Variants in SP4 observed in about 807,000 individuals in gnomAD.
The protein encoded by SP4 is transcription factor Sp4.
A neutral mutation model predicts 72.8 loss-of-function variants in SP4; 19 were observed. The ratio of observed to expected loss-of-function variants is 0.26; its 90% CI spans 0.18 to 0.38. The LOEUF (loss-of-function observed/expected upper bound fraction) is 0.38. Among genes scored for constraint, SP4 ranks in the 10% least tolerant of loss-of-function variants. The pLI is 1.00. For missense variants in SP4, 1,008 were observed against 926.3 expected (o/e 1.09, Z -1.14); for synonymous variants, 395 against 333.1 (o/e 1.19, Z -2.02).
Position 21,481,918 on chromosome 7 carries a change from T to C in SP4, c.1908-6T>C. The C allele has an allele frequency of 6.2e-7, 1 of 1,611,350 alleles. No homozygotes were observed. The highest frequency in any genetic ancestry group is 8.5e-7 in the Non-Finnish European group (1 of 1,177,608). ...GTAATTAATGTTCGGTTTTTGTTTT[T>C]GCTAGAGGCAGTAATGAACCAGGAA... On this transcript the variant is annotated splice_polypyrimidine_tract_variant and splice_region_variant and intron_variant, in intron 4 of 5. Coordinates refer to ENST00000222584, the MANE Select transcript of SP4 (RefSeq NM_003112.5).
Position 21,456,838 on chromosome 7 carries a change from G to C in SP4, c.1679-20241G>C, listed in dbSNP as rs150376025. Among the ~76,000 whole-genome samples the C allele has an allele frequency of 1.5e-3, 229 of 152,322 alleles. 1 individual carries two copies. Among genetic ancestry groups the C allele is most frequent in the African/African-American group, 5.4e-3 (224 of 41,584 alleles). ...TTTTCAAATAAAATGTCTCAGGTCTGCCTGATGTAGACCCCAAGGTCTTTC... is the reference window on the plus strand; with the variant it reads ...TTTTCAAATAAAATGTCTCAGGTCTCCCTGATGTAGACCCCAAGGTCTTTC... On this transcript the variant is annotated intron_variant, in intron 3 of 5. Transcript: ENST00000222584.
At chr7:21,440,924 A>G (rs981514843) in intron 3 of SP4, among the ~76,000 whole-genome samples, 1 of 152,166 alleles carries the variant, frequency 6.6e-6, no homozygotes, top group African/African-American at 2.4e-5. Flanking sequence ...TATAGTAAGA[A>G]CTAAATGTCT....
intron 3 of SP4, among the ~76,000 whole-genome samples, chr7:21,433,743 C>T (rs1421614114): frequency 6.6e-6 from 1 of 152,110 alleles, no homozygotes; most frequent in African/African-American, 2.4e-5. Context: ...GAGTTCGACA[C>T]CAGCCTGACC....
intron 5 of SP4, among the ~76,000 whole-genome samples, chr7:21,505,531 CTGT>C (rs1327731103): frequency 2.0e-5 from 3 of 152,314 alleles, no homozygotes; most frequent in South Asian, 2.1e-4. Context: ...TCCAGGGGTA[CTGT>C]TGTTTTCTCC....
At chr7:21,492,824 A>G (rs981485725) in intron 5 of SP4, among the ~76,000 whole-genome samples, 4 of 152,230 alleles carry the variant, frequency 2.6e-5, no homozygotes, top group African/African-American at 7.2e-5. Context: ...TCCCAGCAGA[A>G]TGTGTATTTT....
chr7:21,430,494 T>A lies in SP4; in HGVS notation c.1329T>A (p.Asn443Lys), dbSNP rs1459914962. Residue 443 changes from asparagine (N) to lysine (K), a missense_variant, in exon 3 of 6, where the codon AAT becomes AAA. Physicochemically the swap from Asn to Lys is moderately conservative, Grantham distance 94 (BLOSUM62 0). Transcript: ENST00000222584. ...IQTIQQQPLQ[N>K]VQLQAVNPTQ... ...CCATCCAGCAGCAGCCTTTACAGAA[T>A]GTTCAACTTCAAGCAGTAAATCCGA... 6.2e-6 allele frequency: 10 copies of A among 1,613,998 alleles called. No homozygotes were observed. The highest frequency in any genetic ancestry group is 8.5e-6 in the Non-Finnish European group (10 of 1,180,012).
chr7:21,438,876 T>A (rs2128393338), intron 3 of SP4, among the ~76,000 whole-genome samples: 1 of 152,326 alleles, frequency 6.6e-6, no homozygotes, highest in Middle Eastern at 3.4e-3. Flanking sequence ...TTCAAGTATT[T>A]TTACTTTACA....
At chr7:21,451,630 A>G (rs1369791407) in intron 3 of SP4, among the ~76,000 whole-genome samples, 2 of 152,158 alleles carry the variant, frequency 1.3e-5, no homozygotes, top group Non-Finnish European at 2.9e-5. Flanking sequence ...AGACAGGGGC[A>G]GGATTTTGCC....
chr7:21,470,954 T>C (rs377325015), intron 3 of SP4: 6 of 439,452 alleles, frequency 1.4e-5, no homozygotes, highest in African/African-American at 6.2e-5. Flanking sequence ...AGCAGTTTCA[T>C]TGGTAAGAAG....
Position 21,492,288 on chromosome 7 carries a change from A to G in SP4, c.2107+10165A>G, listed in dbSNP as rs115820959. Among the ~76,000 whole-genome samples, 1,515 of 152,332 alleles carry G rather than the reference A, an allele frequency of 9.9e-3. 27 individuals are homozygous for G. The highest frequency in any genetic ancestry group is 0.035 in the African/African-American group (1,461 of 41,576). ...GGAGATACTCCCCTAAATGTCTCCT[A>G]TATATAGGACTGATAATTATTATAG... is the stretch of plus-strand genomic sequence containing the variant. On this transcript the variant is annotated intron_variant, in intron 5 of 5. Transcript: ENST00000222584.
chr7:21,479,986 T>TTTTG (rs60038164), intron 4 of SP4, among the ~76,000 whole-genome samples: 15 of 150,960 alleles, frequency 9.9e-5, no homozygotes, highest in Admixed American at 7.9e-4. Context: ...ATAACAGTTT[T>TTTTG]TTTGTTTGTT....
intron 5 of SP4, among the ~76,000 whole-genome samples, chr7:21,509,224 G>A (rs372793628): frequency 2.0e-5 from 3 of 152,052 alleles, no homozygotes; most frequent in Admixed American, 2.0e-4. Flanking sequence ...GGTATAGCAG[G>A]TAAAAGAAAT....
intron 3 of SP4, among the ~76,000 whole-genome samples, chr7:21,458,036 T>C (rs769403523): frequency 2.2e-4 from 34 of 152,246 alleles, no homozygotes; most frequent in Non-Finnish European, 4.6e-4. Flanking sequence ...AGAGTTTTTA[T>C]AACTTTCGAA....
chr7:21,492,653 T>C (rs1785010275), intron 5 of SP4, among the ~76,000 whole-genome samples: 1 of 152,206 alleles, frequency 6.6e-6, no homozygotes, highest in African/African-American at 2.4e-5. Flanking sequence ...GATAAAATGA[T>C]AGACTTAAAA....
intron 4 of SP4, among the ~76,000 whole-genome samples, chr7:21,480,039 A>G (rs1296299415): frequency 6.6e-6 from 1 of 152,058 alleles, no homozygotes; most frequent in Non-Finnish European, 1.5e-5. Context: ...ATTTCTGTGT[A>G]TAAGGTCATG....
chr7:21,451,456 C>T (rs1392438193), intron 3 of SP4, among the ~76,000 whole-genome samples: 2 of 152,140 alleles, frequency 1.3e-5, no homozygotes, highest in East Asian at 3.9e-4. Flanking sequence ...CCTTAAGAGT[C>T]CAAGACCCCA....
At chr7:21,491,405 G>A (rs1784974462) in intron 5 of SP4, among the ~76,000 whole-genome samples, 1 of 152,046 alleles carries the variant, frequency 6.6e-6, no homozygotes, top group African/African-American at 2.4e-5. Context: ...AGAAAAAACT[G>A]GATTGCAGGG....
chr7:21,500,982 G>A lies in SP4; in HGVS notation c.2108-10040G>A, dbSNP rs543290680. Among the ~76,000 whole-genome samples the A allele has an allele frequency of 4.1e-4, 63 of 152,230 alleles. 1 individual carries two copies. In the South Asian group the frequency reaches 0.013, roughly 31 times the overall value. ...TAATGGTGGTCTTGCAAGATGGGGC[G>A]TATGGTAGGCAGGCACACCCAGGGC... On this transcript the variant is annotated intron_variant, in intron 5 of 5. Coordinates refer to ENST00000222584, the MANE Select transcript of SP4 (RefSeq NM_003112.5).
chr7:21,444,643 A>G (rs1783364470), intron 3 of SP4, among the ~76,000 whole-genome samples: 1 of 152,204 alleles, frequency 6.6e-6, no homozygotes. Context: ...TGTCTCTTAT[A>G]TGCCACTGTT....
Sources: gnomAD v4.1 joint callset for allele counts (sites outside exome capture counted in the v4.1 genomes callset) on GRCh38, gnomAD v4.1.1 for gene constraint, MANE v1.5 for transcripts, NCBI Gene and HGNC (gene_info 2026-07-23, HGNC 2026-07-21) for gene names.